TAB2: variants seen among roughly 807,000 people sequenced by gnomAD.
TAB2 encodes the protein TGF-beta-activated kinase 1 and MAP3K7-binding protein 2.
A neutral mutation model predicts 65.0 loss-of-function variants in TAB2; 3 were observed. That is an observed-to-expected ratio of 0.05 (90% CI 0.02 to 0.12). The LOEUF is 0.12. TAB2 is among the 10% of genes least tolerant of loss of function. The pLI is 1.00. For missense variants in TAB2, 623 were observed against 840.3 expected, an observed-to-expected ratio of 0.74 and a Z score of 3.20; for synonymous variants, 298 against 285.1, an observed-to-expected ratio of 1.05 and a Z score of -0.46.
At chr6:149,295,029 T>C (rs1778850262) in intron 1 of TAB2, among the ~76,000 whole-genome samples, 1 of 152,274 alleles carries the variant, frequency 6.6e-6, no homozygotes, top group African/African-American at 2.4e-5. Flanking sequence ...CCAGTCATTT[T>C]ACTTTTATGT....
intron 1 of TAB2, chr6:149,342,978 C>A (rs953940396): frequency 3.3e-4 from 50 of 152,104 alleles, no homozygotes; most frequent in African/African-American, 1.1e-3. Flanking sequence ...TAACATGCAG[C>A]TAGTATTGAG....
intron 6 of TAB2, chr6:149,401,037 GT>G (rs1372187423): frequency 4.9e-6 from 1 of 204,048 alleles, no homozygotes; most frequent in East Asian, 1.4e-4. Flanking sequence ...TGCTCTCACT[GT>G]TTTAACAACA....
chr6:149,282,879 C>T (rs1332673784), intron 1 of TAB2, among the ~76,000 whole-genome samples: 1 of 152,180 alleles, frequency 6.6e-6, no homozygotes, highest in African/African-American at 2.4e-5. Context: ...CCAAAATCTT[C>T]CCACCCACTT....
chr6:149,276,465 A>G (rs1298241482), intron 1 of TAB2, among the ~76,000 whole-genome samples: 1 of 152,208 alleles, frequency 6.6e-6, no homozygotes, highest in African/African-American at 2.4e-5. Flanking sequence ...TGATGGCTAA[A>G]AATGTTTAAA....
chr6:149,372,268 A>G (rs1219150168), intron 2 of TAB2: 1 of 152,224 alleles, frequency 6.6e-6, no homozygotes, highest in Non-Finnish European at 1.5e-5. Context: ...AGCAGAGTAT[A>G]TAGACAGAGC....
At chr6:149,377,710 G>A (rs1259654019) in intron 2 of TAB2, among the ~76,000 whole-genome samples, 1 of 151,984 alleles carries the variant, frequency 6.6e-6, no homozygotes. Context: ...CATTAAAATT[G>A]CCTTTTTAAT....
intron 1 of TAB2, among the ~76,000 whole-genome samples, chr6:149,277,179 G>A (rs1019101940): frequency 4.6e-5 from 7 of 152,184 alleles, no homozygotes; most frequent in African/African-American, 1.7e-4. Context: ...TCTTGGGTAT[G>A]TCTTTATCAG....
intron 1 of TAB2, chr6:149,347,103 TATATA>T (rs1273618867): frequency 2.6e-5 from 4 of 152,244 alleles, no homozygotes; most frequent in African/African-American, 9.6e-5. Context: ...AAAAGGTAGT[TATATA>T]ATATGTTTTG....
intron 3 of TAB2, among the ~76,000 whole-genome samples, chr6:149,386,537 A>G (rs559956317): frequency 6.6e-5 from 10 of 152,334 alleles, no homozygotes; most frequent in African/African-American, 2.2e-4. Flanking sequence ...CGTGATATAA[A>G]ATGGAATCTG....
chr6:149,249,906 G>A (rs551371925), intron 1 of TAB2, among the ~76,000 whole-genome samples: 1 of 152,254 alleles, frequency 6.6e-6, no homozygotes, highest in Admixed American at 6.5e-5. Context: ...CAAACTGTTA[G>A]CTATTTGAAA....
Position 149,410,030 on chromosome 6 carries a change from AC to A in TAB2, c.*313del, listed in dbSNP as rs1782795904. On this transcript the variant is annotated 3_prime_UTR_variant, in exon 7 of 7. Coordinates refer to ENST00000637181, the MANE Select transcript of TAB2 (RefSeq NM_001292034.3). Reference sequence around the variant, plus strand: ...ATGTTAACACCTAGGTGTTCCCAATACCTTTTTCCCCTCATGTCACTACTGA... The same window carrying A: ...ATGTTAACACCTAGGTGTTCCCAATACTTTTTCCCCTCATGTCACTACTGA... 2 of 386,042 alleles carry A rather than the reference AC, an allele frequency of 5.2e-6. No individual in the cohort carries two copies. Among genetic ancestry groups the A allele is most frequent in the South Asian group, 6.1e-5 (2 of 32,660 alleles). The allele number at this position is 386,042 out of a possible 1,614,324, so 23.9% of individuals were successfully genotyped here.
upstream of TAB2, among the ~76,000 whole-genome samples, chr6:149,313,961 T>C (rs1034058844): frequency 6.6e-6 from 1 of 152,170 alleles, no homozygotes. Context: ...ATCTTACTAT[T>C]AACCAGACAG....
intron 1 of TAB2, chr6:149,318,489 G>T (rs1377863643): frequency 6.6e-6 from 1 of 151,490 alleles, no homozygotes; most frequent in Non-Finnish European, 1.5e-5. Context: ...GACAGACACG[G>T]GGCAGTTATG....
intron 1 of TAB2, among the ~76,000 whole-genome samples, chr6:149,325,375 T>C (rs1380509004): frequency 6.6e-6 from 1 of 152,220 alleles, no homozygotes; most frequent in African/African-American, 2.4e-5. Flanking sequence ...TTAGGTTTTT[T>C]CTTCAAGGTA....
intron 1 of TAB2, among the ~76,000 whole-genome samples, chr6:149,368,638 C>T (rs745901851): frequency 4.0e-5 from 5 of 125,618 alleles, no homozygotes; most frequent in African/African-American, 9.4e-5. Flanking sequence ...CTTTTGAATG[C>T]GAAAATTTGT....
intron 1 of TAB2, among the ~76,000 whole-genome samples, chr6:149,360,897 G>A (rs994919231): frequency 6.6e-6 from 1 of 152,206 alleles, no homozygotes; most frequent in Non-Finnish European, 1.5e-5. Context: ...GCTTCATACA[G>A]GTTTAAAACC....
At chr6:149,379,866 A>C (rs1781551784) in intron 3 of TAB2, 1 of 453,512 alleles carries the variant, frequency 2.2e-6, no homozygotes. Context: ...AATTCCTAGA[A>C]ATAACGTTTT....
chr6:149,225,723 C>T (rs1441995747), intron 1 of TAB2, among the ~76,000 whole-genome samples: 1 of 152,062 alleles, frequency 6.6e-6, no homozygotes, highest in Non-Finnish European at 1.5e-5. Context: ...CTATAAAAAT[C>T]ACGAGGCAGT....
At chr6:149,367,067 A>G (rs564852081) in intron 1 of TAB2, among the ~76,000 whole-genome samples, 24 of 152,228 alleles carry the variant, frequency 1.6e-4, no homozygotes, top group African/African-American at 4.6e-4. Context: ...AATATGTTGC[A>G]TCTTCTGTGA....
Sources: gnomAD v4.1 joint callset for allele counts (sites outside exome capture counted in the v4.1 genomes callset) on GRCh38, gnomAD v4.1.1 for gene constraint, MANE v1.5 for transcripts, NCBI Gene and HGNC (gene_info 2026-07-23, HGNC 2026-07-21) for gene names.